SLC18A1: variants seen among roughly 807,000 people sequenced by gnomAD.
The protein encoded by SLC18A1 is solute carrier family 18 member A1.
SLC18A1 carries 69 observed loss-of-function variants against 53.7 expected under a neutral mutation model. That is an observed-to-expected ratio of 1.28 (90% CI 1.06 to 1.57). The LOEUF is 1.57. Ranked by LOEUF, SLC18A1 falls within the 40% of genes most tolerant of loss-of-function variation. The pLI is 0.00. For missense variants in SLC18A1, 932 were observed against 668.1 expected, an observed-to-expected ratio of 1.40 and a Z score of -4.35; for synonymous variants, 320 against 248.1, an observed-to-expected ratio of 1.29 and a Z score of -2.72.
At chr8:20,175,775 T>A (rs1010738657) in intron 4 of SLC18A1, 1 of 152,230 alleles carries the variant, frequency 6.6e-6, no homozygotes, top group African/African-American at 2.4e-5. Context: ...TGTCTTTGGT[T>A]GTGTTTTTAA....
At chr8:20,172,712 C>T (rs531025344) in intron 6 of SLC18A1, among the ~76,000 whole-genome samples, 74 of 152,164 alleles carry the variant, frequency 4.9e-4, no homozygotes, top group Middle Eastern at 6.8e-3. Flanking sequence ...AGAGATTATG[C>T]GTGTAACAGA....
At chr8:20,147,020 T>C (rs757231330) in intron 15 of SLC18A1, among the ~76,000 whole-genome samples, 1 of 152,094 alleles carries the variant, frequency 6.6e-6, no homozygotes, top group Non-Finnish European at 1.5e-5. Flanking sequence ...TTCCCTTCTC[T>C]ACTGAAGACC....
rs1185056304 is a variant in SLC18A1 at position 20,173,307 on chromosome 8, G to A, written c.632-179C>T. Among the ~76,000 whole-genome samples the A allele has an allele frequency of 3.9e-5, 6 of 152,260 alleles. No individual in the cohort carries two copies. In the East Asian group the frequency reaches 9.6e-4, roughly 24 times the overall value. The stretch of plus-strand genomic sequence containing the variant: ...AGTACTACCCTCCCTAGTCCCCCAA[G>A]CCCCCACATTGTCCACTCCTGTTCA... On this transcript the variant is annotated intron_variant, in intron 5 of 15. Coordinates refer to ENST00000276373, the MANE Select transcript of SLC18A1 (RefSeq NM_003053.4).
chr8:20,145,920 A>ATT (rs35711001), intron 15 of SLC18A1, 44 bp from the exon 16 acceptor site: 3,868 of 935,546 alleles, frequency 4.1e-3, no homozygotes, highest in South Asian at 7.6e-3. Flanking sequence ...CATTATTATC[A>ATT]TTTTTTTTTT....
At chr8:20,148,382 G>T in intron 12 of SLC18A1, 1 of 1,085,368 alleles carries the variant, frequency 9.2e-7, no homozygotes, top group Admixed American at 2.4e-5. Context: ...CTGTTCCATG[G>T]ATACTTTCTC....
chr8:20,165,000 T>C, intron 9 of SLC18A1, 36 bp from the exon 10 acceptor site: 1 of 1,612,850 alleles, frequency 6.2e-7, no homozygotes, highest in South Asian at 1.1e-5. Flanking sequence ...CGTGGCTGCT[T>C]GAAGCCCAGA....
chr8:20,147,516 A>T (rs1331337200), intron 14 of SLC18A1, 87 bp downstream of exon 14: 2 of 1,590,964 alleles, frequency 1.3e-6, no homozygotes, highest in East Asian at 4.5e-5. Flanking sequence ...AGATCTCCAG[A>T]ACCCTAGGAG....
Position 20,166,502 on chromosome 8 carries a change from G to A in SLC18A1, c.859-1395C>T, listed in dbSNP as rs116005343. Among the ~76,000 whole-genome samples the A allele has an allele frequency of 7.0e-3, 1,052 of 150,808 alleles. 14 individuals carry two copies. The highest frequency in any genetic ancestry group is 0.025 in the African/African-American group (1,008 of 41,068). On this transcript the variant is annotated intron_variant, in intron 8 of 15. Transcript: ENST00000276373. Reference sequence around the variant, plus strand: ...AAACACATAAGCGATTTATTTTGAGGAAAAAACACTAAGACACAGGAAAGA... The same window carrying A: ...AAACACATAAGCGATTTATTTTGAGAAAAAAACACTAAGACACAGGAAAGA...
At chr8:20,159,654 AAAAAAAAAAG>A (rs1414829583) in intron 10 of SLC18A1, among the ~76,000 whole-genome samples, 35 of 149,574 alleles carry the variant, frequency 2.3e-4, no homozygotes, top group African/African-American at 7.6e-4. Context: ...AAAAAAAAAA[AAAAAAAAAAG>A]AAAGAAAAAG....
chr8:20,181,426 T>C (rs2072426351), intron 1 of SLC18A1, among the ~76,000 whole-genome samples: 1 of 152,124 alleles, frequency 6.6e-6, no homozygotes, highest in Non-Finnish European at 1.5e-5. Context: ...TTACTTCATC[T>C]TTTTCCTCTA....
chr8:20,182,453 A>C (rs887596704), intron 1 of SLC18A1, among the ~76,000 whole-genome samples: 1 of 152,244 alleles, frequency 6.6e-6, no homozygotes, highest in Non-Finnish European at 1.5e-5. Context: ...CTAAATATAA[A>C]TATATGGGCA....
intron 12 of SLC18A1, among the ~76,000 whole-genome samples, chr8:20,148,952 G>A (rs960039266): frequency 5.3e-5 from 8 of 152,076 alleles, no homozygotes; most frequent in African/African-American, 1.2e-4. Flanking sequence ...CTGAGCACAC[G>A]GAGATGAAGT....
chr8:20,171,294 C>T, intron 7 of SLC18A1, 111 bp downstream of exon 7: 1 of 1,300,324 alleles, frequency 7.7e-7, no homozygotes, highest in Middle Eastern at 2.0e-4. Flanking sequence ...GTCCTTGATC[C>T]ATCAAAACAT....
Position 20,173,674 on chromosome 8 carries a change from G to A in SLC18A1, c.632-546C>T, listed in dbSNP as rs543263513. Reference sequence around the variant, plus strand: ...TATATTCACCAGTACTTTGAAAACTGTGCTGGTGTTACCAGTAGTACTAAC... The same window carrying A: ...TATATTCACCAGTACTTTGAAAACTATGCTGGTGTTACCAGTAGTACTAAC... On this transcript the variant is annotated intron_variant, in intron 5 of 15. Transcript: ENST00000276373. Among the ~76,000 whole-genome samples the A allele has an allele frequency of 3.8e-4, 58 of 152,316 alleles. 1 individual carries two copies. The South Asian group carries it at 0.01, about 27-fold the overall frequency.
At position 20,179,383 on chromosome 8, in the gene SLC18A1, G is replaced by A. The variant is rs141477484; in HGVS notation, c.226C>T (p.Pro76Ser). 5.6e-6 allele frequency: 9 copies of A among 1,614,108 alleles called. No homozygotes were observed. Among genetic ancestry groups the A allele is most frequent in the Middle Eastern group, 1.7e-4 (1 of 6,050 alleles). ...AGSSPHALASPAFSTIFSFFN... is the reference protein window; with the variant it reads ...AGSSPHALASSAFSTIFSFFN... The stretch of plus-strand genomic sequence containing the variant: ...AAGGAGAAGATGGTGGAAAAGGCAG[G>A]AGAGGCGAGGGCATGTGGGGAACTT... Residue 76 changes from proline (P) to serine (S), a missense_variant, in exon 3 of 16, where the codon CCT becomes TCT. Pro to Ser is a moderately conservative substitution (Grantham distance 74). Transcript: ENST00000276373.
chr8:20,159,735 G>GT (rs2071776332), intron 10 of SLC18A1, among the ~76,000 whole-genome samples: 1 of 151,132 alleles, frequency 6.6e-6, no homozygotes, highest in Admixed American at 6.6e-5. Flanking sequence ...CAGGCCAGTT[G>GT]TGAGGTTTAA....
Position 20,180,908 on chromosome 8 carries a change from G to A in SLC18A1, c.57C>T (p.Ser19=), listed in dbSNP as rs200702337. ...PQRLLKEGRA[S]RQLVLVVVFV... is the part of the protein sequence containing the mutation. ...ATACCACCACCAGCACCAGCTGCCG[G>A]GACGCTCTCCCCTCCTTCAGCAACC... is the stretch of plus-strand genomic sequence containing the variant. The change falls in exon 2 of 16, where the codon TCC becomes TCT. Residue 19 remains serine (S), a synonymous_variant. Coordinates refer to ENST00000276373, the MANE Select transcript of SLC18A1 (RefSeq NM_003053.4). 8.7e-6 allele frequency: 14 copies of A among 1,611,832 alleles called. No homozygotes were observed. Among genetic ancestry groups the A allele is most frequent in the Non-Finnish European group, 1.2e-5 (14 of 1,178,910 alleles).
intron 10 of SLC18A1, among the ~76,000 whole-genome samples, chr8:20,151,725 C>A (rs1273874182): frequency 2.0e-5 from 3 of 152,226 alleles, no homozygotes; most frequent in African/African-American, 7.2e-5. Context: ...ATTTTGCATT[C>A]AAACCATGGC....
In SLC18A1 at chr8:20,147,681, C is replaced by T. The variant is rs373084576; in HGVS notation, c.1252G>A (p.Val418Met). Residue 418 changes from valine to methionine, a missense_variant, in exon 14 of 16, where the codon GTG becomes ATG. By Grantham distance (21) the Val-to-Met change is conservative. Transcript: ENST00000276373. The stretch of plus-strand genomic sequence containing the variant: ...TACACCGAGGTGTGGCGTAGATCCA[C>T]CAGGTGCCCCATGATGGGCATCATA... ...SSMMPIMGHL[V>M]DLRHTSVYGS... 6.2e-7 allele frequency: 1 copy of T among 1,613,916 alleles called. No individual in the cohort carries two copies. The highest frequency in any genetic ancestry group is 1.1e-5 in the South Asian group (1 of 91,010).
Sources: gnomAD v4.1 joint callset for allele counts (sites outside exome capture counted in the v4.1 genomes callset) on GRCh38, gnomAD v4.1.1 for gene constraint, MANE v1.5 for transcripts, NCBI Gene and HGNC (gene_info 2026-07-23, HGNC 2026-07-21) for gene names.